SHROOM4: variants seen among roughly 807,000 people sequenced by gnomAD.
SHROOM4 encodes the protein protein Shroom4.
SHROOM4 carries 17 observed loss-of-function variants against 80.3 expected under a neutral mutation model. The ratio of observed to expected loss-of-function variants is 0.21; its 90% CI spans 0.14 to 0.32. The LOEUF (loss-of-function observed/expected upper bound fraction) is 0.32. SHROOM4 is among the 10% of genes least tolerant of loss of function. SHROOM4 has a pLI of 1.00. For missense variants in SHROOM4, 993 were observed against 1,140.3 expected, an observed-to-expected ratio of 0.87 and a Z score of 1.86; for synonymous variants, 400 against 437.5, an observed-to-expected ratio of 0.91 and a Z score of 1.07.
chrX:50,650,198 A>G (rs1931987531), intron 2 of SHROOM4, among the ~76,000 whole-genome samples: 1 of 112,411 alleles, frequency 8.9e-6, no homozygotes, highest in Non-Finnish European at 1.9e-5. Flanking sequence ...TCTTATACAG[A>G]TATGCAAATA....
intron 1 of SHROOM4, among the ~76,000 whole-genome samples, chrX:50,702,587 TAAAG>T (rs1416818359): frequency 9.0e-6 from 1 of 111,598 alleles, no homozygotes; most frequent in East Asian, 2.8e-4. Flanking sequence ...TATATGAAGG[TAAAG>T]AAGAGAGGTG....
chrX:50,761,112 T>C (rs1441633099), intron 1 of SHROOM4, among the ~76,000 whole-genome samples: 1 of 111,443 alleles, frequency 9.0e-6, no homozygotes, highest in Non-Finnish European at 1.9e-5. Context: ...CATGGGGGTT[T>C]GTTATACAGA....
chrX:50,809,688 G>A (rs1936294299), intron 1 of SHROOM4, among the ~76,000 whole-genome samples: 1 of 112,014 alleles, frequency 8.9e-6, no homozygotes, highest in Non-Finnish European at 1.9e-5. Flanking sequence ...GCAGTAACTA[G>A]CCCCACTTGC....
intron 1 of SHROOM4, among the ~76,000 whole-genome samples, chrX:50,795,493 T>G (rs1935992979): frequency 9.0e-6 from 1 of 110,640 alleles, no homozygotes. Context: ...AAAACAAGCA[T>G]GCCCAGCTCA....
At position 50,634,866 on chromosome X, in the gene SHROOM4, T is replaced by A; in HGVS notation, c.1207A>T (p.Ile403Leu). 8.3e-7 allele frequency: 1 copy of A among 1,205,209 alleles called. No individual in the cohort carries two copies. ...KASFGRPPHL[I>L]GPTGHRHSAP... ...CTATGGCGATGCCCTGTGGGTCCTA[T>A]GAGATGTGGAGGTCTGCCAAAAGAA... Residue 403 changes from isoleucine (I) to leucine (L), a missense_variant, in exon 4 of 9, where the codon ATA becomes TTA. By Grantham distance (5) the Ile-to-Leu change is conservative. Transcript: ENST00000376020.
At chrX:50,613,013 G>A (rs782688374) in intron 5 of SHROOM4, among the ~76,000 whole-genome samples, 1 of 112,170 alleles carries the variant, frequency 8.9e-6, no homozygotes, top group East Asian at 2.8e-4. Context: ...ATTTAATATT[G>A]TTCTGAAAGC....
chrX:50,789,039 G>A (rs1935805363), intron 1 of SHROOM4, among the ~76,000 whole-genome samples: 1 of 111,517 alleles, frequency 9.0e-6, no homozygotes. Context: ...ACTAAAGGGA[G>A]AAATAGATAG....
At chrX:50,729,449 T>C (rs1271369590) in intron 1 of SHROOM4, among the ~76,000 whole-genome samples, 2 of 110,974 alleles carry the variant, frequency 1.8e-5, no homozygotes, top group Non-Finnish European at 3.8e-5. Context: ...ATAGAGATTA[T>C]ACAAAATGAA....
chrX:50,644,868 G>A (rs1557257684), intron 2 of SHROOM4, among the ~76,000 whole-genome samples: 1 of 112,137 alleles, frequency 8.9e-6, no homozygotes, highest in African/African-American at 3.2e-5. Context: ...TTGGCCTTGG[G>A]CATGTCACAG....
chrX:50,634,753 C>T lies in SHROOM4; in HGVS notation c.1320G>A (p.Gln440=), dbSNP rs782276907. 1.2e-5 allele frequency: 15 copies of T among 1,210,062 alleles called. No homozygotes were observed. In the Admixed American group the frequency reaches 3.3e-4, roughly 26 times the overall value. ...GGGACAGAGTCCACTGGTGCCCATC[C>T]TGTACGGGTGGGAGCTCCATCCCTT... ...GSKGMELPPV[Q]DGHQWTLSPL... The change falls in exon 4 of 9, where the codon CAG becomes CAA. Residue 440 remains glutamine (Q), a synonymous_variant. Coordinates refer to ENST00000376020, the MANE Select transcript of SHROOM4 (RefSeq NM_020717.5).
At chrX:50,795,886 T>C (rs1936000892) in intron 1 of SHROOM4, among the ~76,000 whole-genome samples, 1 of 112,035 alleles carries the variant, frequency 8.9e-6, no homozygotes, top group Non-Finnish European at 1.9e-5. Flanking sequence ...AAATAATACA[T>C]GTAAAATCAC....
Position 50,592,466 on chromosome X carries a change from G to A in SHROOM4, c.*4229C>T, listed in dbSNP as rs1416090929. 1.3e-5 allele frequency: 3 copies of A among 227,483 alleles called. No homozygotes were observed. The East Asian group carries it at 3.5e-4, about 27-fold the overall frequency. The allele number at this position is 227,483 out of a possible 1,213,427, so 18.7% of individuals were successfully genotyped here. On this transcript the variant is annotated 3_prime_UTR_variant, in exon 9 of 9. Coordinates refer to ENST00000376020, the MANE Select transcript of SHROOM4 (RefSeq NM_020717.5). Reference sequence around the variant, plus strand: ...GTAGCCCAGGTTCATTGAATAAGTGGCAGAACCAGGATTTGAACACAGTTC... The same window carrying A: ...GTAGCCCAGGTTCATTGAATAAGTGACAGAACCAGGATTTGAACACAGTTC...
At chrX:50,655,509 T>C (rs1464867604) in intron 2 of SHROOM4, among the ~76,000 whole-genome samples, 2 of 106,899 alleles carry the variant, frequency 1.9e-5, no homozygotes, top group African/African-American at 6.7e-5. Flanking sequence ...ATATATTTCA[T>C]ATATTTTTTA....
intron 2 of SHROOM4, among the ~76,000 whole-genome samples, chrX:50,640,918 A>C (rs782356517): frequency 1.6e-3 from 182 of 112,475 alleles, no homozygotes; most frequent in Non-Finnish European, 3.0e-3. Context: ...CCTAGTTTTC[A>C]TGGCAGTAAA....
At chrX:50,582,499 TCTTCA>T (rs1928684891), downstream of SHROOM4, among the ~76,000 whole-genome samples, 1 of 112,096 alleles carries the variant, frequency 8.9e-6, no homozygotes, top group South Asian at 3.7e-4. Flanking sequence ...TCCCTCTCCT[TCTTCA>T]CTTCACTTTT....
intron 1 of SHROOM4, among the ~76,000 whole-genome samples, chrX:50,758,400 T>C (rs1030304046): frequency 8.9e-6 from 1 of 112,035 alleles, no homozygotes; most frequent in Admixed American, 9.5e-5. Flanking sequence ...TATTCCTAAC[T>C]TGTTGAGGGT....
intron 5 of SHROOM4, among the ~76,000 whole-genome samples, chrX:50,619,926 A>G (rs956704497): frequency 3.6e-5 from 4 of 111,271 alleles, no homozygotes; most frequent in African/African-American, 1.3e-4. Flanking sequence ...GGAGATTCGT[A>G]GAGGTCTGGT....
Position 50,803,761 on chromosome X carries a change from C to T in SHROOM4, c.117+10141G>A, listed in dbSNP as rs6614574. On this transcript the variant is annotated intron_variant, in intron 1 of 8. Transcript: ENST00000376020. ...TCTTTTGAGAATCCAGAAACCAGGT[C>T]TTCTATGGTGGCTAACTCTTGTATT... Among the ~76,000 whole-genome samples the T allele has an allele frequency of 4.1e-3, 464 of 112,171 alleles. 13 individuals carry two copies. In the East Asian group the frequency reaches 0.075, roughly 18 times the overall value.
rs915514707 is a variant in SHROOM4, at chrX:50,659,611, T to C, written c.270-21303A>G. 3.6e-5 allele frequency among the ~76,000 whole-genome samples: 4 copies of C among 112,151 alleles called. 1 individual carries two copies. The highest frequency in any genetic ancestry group is 9.2e-3 in the Middle Eastern group (2 of 217). On this transcript the variant is annotated intron_variant, in intron 2 of 8. Transcript: ENST00000376020. ...ACCATTCACATAGTACAAAGGCATA[T>C]ACAATGAAAAAGGAGTGCCCCATAC...
Sources: gnomAD v4.1 joint callset for allele counts (sites outside exome capture counted in the v4.1 genomes callset) on GRCh38, gnomAD v4.1.1 for gene constraint, MANE v1.5 for transcripts, NCBI Gene and HGNC (gene_info 2026-07-23, HGNC 2026-07-21) for gene names.